Variants in STK39 observed in about 807,000 individuals in gnomAD.
The protein encoded by STK39 is serine/threonine kinase 39.
A neutral mutation model predicts 77.8 loss-of-function variants in STK39; 20 were observed. The observed-to-expected ratio is 0.26, with a 90% confidence interval of 0.18 to 0.37. The LOEUF is 0.37. Ranked by LOEUF, STK39 falls within the 10% of genes least tolerant of loss-of-function variation. The pLI, the probability that STK39 is intolerant of heterozygous loss-of-function variation, is 1.00. For synonymous variants in STK39, 246 were observed against 234.1 expected (o/e 1.05, Z -0.47); for missense variants, 479 against 656.5 (o/e 0.73, Z 2.95).
chr2:168,124,006 C>T (rs1232199763), intron 10 of STK39, among the ~76,000 whole-genome samples: 1 of 152,068 alleles, frequency 6.6e-6, no homozygotes, highest in Admixed American at 6.6e-5. Flanking sequence ...GGCCAAGGGC[C>T]TTGGGGCCTT....
intron 5 of STK39, among the ~76,000 whole-genome samples, chr2:168,143,841 T>C (rs1362658906): frequency 6.6e-6 from 1 of 152,172 alleles, no homozygotes; most frequent in Non-Finnish European, 1.5e-5. Context: ...CTGAATGACT[T>C]ACTTTTTATT....
intron 16 of STK39, among the ~76,000 whole-genome samples, chr2:168,005,512 C>T (rs1026005314): frequency 6.6e-6 from 1 of 151,812 alleles, no homozygotes; most frequent in Admixed American, 6.6e-5. Flanking sequence ...TGCAATAATC[C>T]AGTACTGAAT....
chr2:168,162,131 T>C (rs553747942), intron 4 of STK39, among the ~76,000 whole-genome samples: 1 of 151,662 alleles, frequency 6.6e-6, no homozygotes, highest in African/African-American at 2.4e-5. Context: ...ACTAAAAATA[T>C]AAAAATTAGT....
chr2:168,003,702 C>T (rs1017630662), intron 16 of STK39, among the ~76,000 whole-genome samples: 4 of 152,166 alleles, frequency 2.6e-5, no homozygotes, highest in African/African-American at 9.7e-5. Flanking sequence ...AACTTTTAAT[C>T]AGGAATCACT....
chr2:168,052,895 T>G lies in STK39; in HGVS notation c.1376+10605A>C, dbSNP rs375962430. ...TGCAGGGACCTCGTTAAAACCCTGC[T>G]GCAAGAACTCAGCACCAACACAGAG... On this transcript the variant is annotated intron_variant, in intron 14 of 17. Coordinates refer to ENST00000355999, the MANE Select transcript of STK39 (RefSeq NM_013233.3). Among the ~76,000 whole-genome samples, 4 of 152,326 alleles carry G rather than the reference T, an allele frequency of 2.6e-5. No homozygotes were observed. In the East Asian group the frequency reaches 5.8e-4, roughly 22 times the overall value.
At chr2:168,227,068 A>G (rs899733804) in intron 1 of STK39, among the ~76,000 whole-genome samples, 1 of 152,214 alleles carries the variant, frequency 6.6e-6, no homozygotes. Context: ...AAATATACAG[A>G]AGTAAAATAC....
At chr2:168,227,773 TC>T (rs1208786868) in intron 1 of STK39, among the ~76,000 whole-genome samples, 1 of 152,212 alleles carries the variant, frequency 6.6e-6, no homozygotes, top group Non-Finnish European at 1.5e-5. Flanking sequence ...TTCTCCTGCC[TC>T]AGCCTCCCGA....
intron 16 of STK39, among the ~76,000 whole-genome samples, chr2:168,008,916 G>A (rs1420099505): frequency 3.9e-5 from 6 of 152,186 alleles, no homozygotes. Flanking sequence ...TAGGAACATG[G>A]CAGCCATTCA....
At chr2:168,025,722 T>C (rs1253821462) in intron 14 of STK39, among the ~76,000 whole-genome samples, 1 of 152,074 alleles carries the variant, frequency 6.6e-6, no homozygotes. Context: ...TTAGGCAATA[T>C]GAGGATACAC....
At chr2:168,020,555 G>C (rs1017519363) in intron 14 of STK39, among the ~76,000 whole-genome samples, 1 of 151,650 alleles carries the variant, frequency 6.6e-6, no homozygotes, top group African/African-American at 2.4e-5. Flanking sequence ...TACATTTTAA[G>C]TAACACTAAT....
At chr2:167,982,835 T>C (rs1683457229) in intron 16 of STK39, among the ~76,000 whole-genome samples, 1 of 152,180 alleles carries the variant, frequency 6.6e-6, no homozygotes, top group Admixed American at 6.5e-5. Context: ...TATAAAAGCT[T>C]CTCTTCAGAT....
At position 168,099,031 on chromosome 2, in the gene STK39, T is replaced by G. The variant is rs956999082; in HGVS notation, c.1090-23800A>C. Among the ~76,000 whole-genome samples, 9 of 152,168 alleles carry G rather than the reference T, an allele frequency of 5.9e-5. 1 individual carries two copies. Among genetic ancestry groups the G allele is most frequent in the African/African-American group, 1.7e-4 (7 of 41,434 alleles). ...CATGTGGAGAGGTCAGGTGTAGGTGTCCAGCTGACATCTCAGTTGAGGTCC... is the reference window on the plus strand; with the variant it reads ...CATGTGGAGAGGTCAGGTGTAGGTGGCCAGCTGACATCTCAGTTGAGGTCC... On this transcript the variant is annotated intron_variant, in intron 10 of 17. Transcript: ENST00000355999.
intron 15 of STK39, among the ~76,000 whole-genome samples, chr2:168,014,205 C>T (rs748096081): frequency 1.3e-5 from 2 of 152,156 alleles, no homozygotes; most frequent in Non-Finnish European, 2.9e-5. Context: ...AACACCTTGG[C>T]CCAGTGCAAT....
chr2:168,052,565 G>A (rs2105368819), intron 14 of STK39, among the ~76,000 whole-genome samples: 1 of 152,288 alleles, frequency 6.6e-6, no homozygotes, highest in South Asian at 2.1e-4. Context: ...GAAGCATCTT[G>A]ATATTGTTTG....
intron 10 of STK39, among the ~76,000 whole-genome samples, chr2:168,122,291 T>C (rs1318939040): frequency 6.6e-6 from 1 of 152,146 alleles, no homozygotes; most frequent in Non-Finnish European, 1.5e-5. Flanking sequence ...CGGCATTTGG[T>C]TTTCTGTTCT....
chr2:168,106,817 G>C (rs1559100077), intron 10 of STK39, among the ~76,000 whole-genome samples: 2 of 152,010 alleles, frequency 1.3e-5, no homozygotes, highest in Non-Finnish European at 2.9e-5. Context: ...GTGAGAACCT[G>C]TCTCAAAGAA....
At position 168,195,252 on chromosome 2, in the gene STK39, T is replaced by C. The variant is rs530154077; in HGVS notation, c.209-13162A>G. On this transcript the variant is annotated intron_variant, in intron 1 of 17. Transcript: ENST00000355999. ...TCCCTACAAAAATTTTTTTAAAAAT[T>C]AGCCAGGCATGGTGGCACATACCTG... Among the ~76,000 whole-genome samples the C allele has an allele frequency of 3.3e-5, 5 of 152,214 alleles. No individual in the cohort carries two copies. The South Asian group carries it at 1.0e-3, about 32-fold the overall frequency.
At chr2:168,148,748 G>A (rs1688206018) in intron 5 of STK39, among the ~76,000 whole-genome samples, 1 of 152,144 alleles carries the variant, frequency 6.6e-6, no homozygotes, top group African/African-American at 2.4e-5. Flanking sequence ...CCTATTCAGA[G>A]GCATACTGTG....
intron 14 of STK39, among the ~76,000 whole-genome samples, chr2:168,031,293 A>G (rs1684827491): frequency 6.6e-6 from 1 of 152,132 alleles, no homozygotes; most frequent in Non-Finnish European, 1.5e-5. Flanking sequence ...TACAAAATCT[A>G]TTTTCTTTTT....
Sources: allele counts gnomAD v4.1 joint callset (sites outside exome capture counted in the v4.1 genomes callset), GRCh38; gene constraint gnomAD v4.1.1; transcripts MANE v1.5; gene names NCBI Gene and HGNC (gene_info 2026-07-23, HGNC 2026-07-21).